The following SLC26A7 variants were observed in gnomAD, a reference collection of about 807,000 sequenced individuals.
The protein encoded by SLC26A7 is solute carrier family 26 member 7, also known as anion exchange transporter.
In SLC26A7, 59 loss-of-function variants were observed where a neutral mutation model predicts 82.5. The ratio of observed to expected loss-of-function variants is 0.72; its 90% CI spans 0.58 to 0.89. The LOEUF (loss-of-function observed/expected upper bound fraction) is 0.89. SLC26A7 is among the 40% of genes least tolerant of loss of function. SLC26A7 has a pLI of 0.00. For missense variants in SLC26A7, 820 were observed against 793.0 expected (o/e 1.03, Z -0.41); for synonymous variants, 271 against 274.3 (o/e 0.99, Z 0.12).
At chr8:91,364,596 C>G (rs1231663584) in intron 13 of SLC26A7, among the ~76,000 whole-genome samples, 1 of 152,140 alleles carries the variant, frequency 6.6e-6, no homozygotes, top group Non-Finnish European at 1.5e-5. Context: ...TTTTGGGCCC[C>G]TGAAGTCCCC....
At chr8:91,293,107 T>C (rs941239526) in intron 3 of SLC26A7, among the ~76,000 whole-genome samples, 1 of 152,214 alleles carries the variant, frequency 6.6e-6, no homozygotes, top group African/African-American at 2.4e-5. Context: ...ATCATCATTT[T>C]ACAAATAAGG....
intron 2 of SLC26A7, among the ~76,000 whole-genome samples, chr8:91,278,244 C>G (rs1215309892): frequency 6.6e-6 from 1 of 151,436 alleles, no homozygotes; most frequent in Non-Finnish European, 1.5e-5. Context: ...AAAAAAAGGA[C>G]CTGTCAGATT....
intron 1 of SLC26A7, among the ~76,000 whole-genome samples, chr8:91,217,638 T>C (rs775711937): frequency 1.3e-5 from 2 of 152,134 alleles, no homozygotes; most frequent in Non-Finnish European, 2.9e-5. Flanking sequence ...TGAGAAAAGT[T>C]GCTCTCTCAC....
At chr8:91,245,613 A>G (rs1019232742), upstream of SLC26A7, among the ~76,000 whole-genome samples, 4 of 152,096 alleles carry the variant, frequency 2.6e-5, no homozygotes, top group Non-Finnish European at 4.4e-5. Flanking sequence ...CCAATGTCTG[A>G]TCTATACTTT....
At chr8:91,375,276 T>C (rs1814479897) in intron 15 of SLC26A7, among the ~76,000 whole-genome samples, 3 of 152,146 alleles carry the variant, frequency 2.0e-5, no homozygotes, top group Admixed American at 2.0e-4. Context: ...GTTTCTGTCA[T>C]AGTGTTGTTA....
intron 2 of SLC26A7, among the ~76,000 whole-genome samples, chr8:91,221,548 A>T (rs1810160503): frequency 6.6e-6 from 1 of 152,116 alleles, no homozygotes; most frequent in Non-Finnish European, 1.5e-5. Flanking sequence ...TAGTTTTTGT[A>T]TAAGGTGTAA....
At chr8:91,308,019 C>CT (rs1431944756) in intron 4 of SLC26A7, among the ~76,000 whole-genome samples, 2 of 151,918 alleles carry the variant, frequency 1.3e-5, no homozygotes, top group Non-Finnish European at 2.9e-5. Context: ...ACCTAATGTC[C>CT]TTTTTTTGTG....
intron 5 of SLC26A7, among the ~76,000 whole-genome samples, chr8:91,322,892 C>A (rs1299300248): frequency 6.6e-6 from 1 of 152,068 alleles, no homozygotes; most frequent in African/African-American, 2.4e-5. Flanking sequence ...GAAGTACAAG[C>A]AAAGTACTTT....
intron 2 of SLC26A7, among the ~76,000 whole-genome samples, chr8:91,254,639 C>T (rs1471729440): frequency 6.6e-6 from 1 of 151,976 alleles, no homozygotes; most frequent in Non-Finnish European, 1.5e-5. Context: ...GGTTACCCCT[C>T]TTCAGAATAA....
chr8:91,351,920 A>G, intron 10 of SLC26A7, 33 bp downstream of exon 10: 1 of 1,459,784 alleles, frequency 6.9e-7, no homozygotes. Context: ...TCTACTTTTT[A>G]ATTTAACTTT....
chr8:91,297,459 A>G (rs1812047532), intron 4 of SLC26A7, among the ~76,000 whole-genome samples: 2 of 152,132 alleles, frequency 1.3e-5, no homozygotes. Flanking sequence ...TAGAATTATA[A>G]GAGCAAAGCA....
chr8:91,323,164 T>A (rs1487860782), intron 5 of SLC26A7, among the ~76,000 whole-genome samples: 1 of 152,144 alleles, frequency 6.6e-6, no homozygotes, highest in African/African-American at 2.4e-5. Context: ...GACATCTCTA[T>A]TGTGAATTGT....
At chr8:91,217,197 T>G (rs557808210) in intron 1 of SLC26A7, among the ~76,000 whole-genome samples, 5 of 152,274 alleles carry the variant, frequency 3.3e-5, no homozygotes, top group Non-Finnish European at 4.4e-5. Context: ...AGCCTGACAC[T>G]TTGCCTAATG....
intron 2 of SLC26A7, among the ~76,000 whole-genome samples, chr8:91,269,098 A>G (rs1311911937): frequency 6.6e-6 from 1 of 152,006 alleles, no homozygotes; most frequent in Non-Finnish European, 1.5e-5. Context: ...TTTAGTTTTC[A>G]TACTAAAGAT....
intron 6 of SLC26A7, among the ~76,000 whole-genome samples, 173 bp downstream of exon 6, chr8:91,334,620 A>C (rs542966543): frequency 6.6e-6 from 1 of 152,282 alleles, no homozygotes; most frequent in East Asian, 1.9e-4. Context: ...AAACATTTTG[A>C]GTTAATAATT....
intron 10 of SLC26A7, among the ~76,000 whole-genome samples, chr8:91,352,412 T>G (rs975547321): frequency 7.9e-5 from 12 of 152,254 alleles, no homozygotes; most frequent in Admixed American, 7.9e-4. Flanking sequence ...ATTTTTCATG[T>G]GTGTAGTGAG....
In SLC26A7 at chr8:91,266,906, T is replaced by C. The variant is rs1317373715; in HGVS notation, c.193+17062T>C. On this transcript the variant is annotated intron_variant, in intron 2 of 18. Coordinates refer to ENST00000276609, the MANE Select transcript of SLC26A7 (RefSeq NM_052832.4). Reference sequence around the variant, plus strand: ...ATATGGCCTTTATTGTGTTGAGGTATATTCCTTCCATATCTAAATTGTTGA... The same window carrying C: ...ATATGGCCTTTATTGTGTTGAGGTACATTCCTTCCATATCTAAATTGTTGA... Among the ~76,000 whole-genome samples, 3 of 151,970 alleles carry C rather than the reference T, an allele frequency of 2.0e-5. No individual in the cohort carries two copies. The East Asian group carries it at 5.8e-4, about 29-fold the overall frequency.
At chr8:91,316,923 G>A (rs1563675838) in intron 4 of SLC26A7, among the ~76,000 whole-genome samples, 1 of 134,436 alleles carries the variant, frequency 7.4e-6, no homozygotes, top group Non-Finnish European at 1.5e-5. Context: ...GGAGACCAGA[G>A]CAGGAGGATT....
At chr8:91,304,082 C>G (rs1812238378) in intron 4 of SLC26A7, among the ~76,000 whole-genome samples, 1 of 152,072 alleles carries the variant, frequency 6.6e-6, no homozygotes, top group Non-Finnish European at 1.5e-5. Flanking sequence ...TATTTATTAG[C>G]CTAGTATTTG....
Sources: gnomAD v4.1 joint callset for allele counts (sites outside exome capture counted in the v4.1 genomes callset) on GRCh38, gnomAD v4.1.1 for gene constraint, MANE v1.5 for transcripts, NCBI Gene and HGNC (gene_info 2026-07-23, HGNC 2026-07-21) for gene names.